The following SMC1A variants were observed in gnomAD, a reference collection of about 807,000 sequenced individuals.
The protein encoded by SMC1A is structural maintenance of chromosomes 1A, also known as structural maintenance of chromosomes protein 1A.
In SMC1A, 4 loss-of-function variants were observed where a neutral mutation model predicts 94.5. The ratio of observed to expected loss-of-function variants is 0.04; its 90% CI spans 0.02 to 0.10. The LOEUF is 0.10. Among genes scored for constraint, SMC1A ranks in the 10% least tolerant of loss-of-function variants. The pLI, the probability that SMC1A is intolerant of heterozygous loss-of-function variation, is 1.00. For synonymous variants in SMC1A, 345 were observed against 347.7 expected (o/e 0.99, Z 0.09); for missense variants, 304 against 989.0 (o/e 0.31, Z 9.29).
rs199844404 is a variant in SMC1A at position 53,382,679 on chromosome X, G to A, written c.3131-19C>T. The stretch of plus-strand genomic sequence containing the variant: ...TCAAACTCTGCCAGAAAGAAAGACA[G>A]GAGACCCCTCAGTGCCCTGGCAAGA... On this transcript the variant is annotated intron_variant, in intron 20 of 24. Coordinates refer to ENST00000322213, the MANE Select transcript of SMC1A (RefSeq NM_006306.4). 61 of 1,208,896 alleles carry A rather than the reference G, an allele frequency of 5.0e-5. No individual in the cohort carries two copies. The East Asian group carries it at 1.7e-3, about 35-fold the overall frequency.
intron 9 of SMC1A, among the ~76,000 whole-genome samples, chrX:53,407,874 G>A (rs1428716543): frequency 9.0e-6 from 1 of 111,390 alleles, no homozygotes; most frequent in African/African-American, 3.3e-5. Context: ...TGCTATCAAG[G>A]AAAAGCCTAT....
intron 15 of SMC1A, among the ~76,000 whole-genome samples, chrX:53,401,939 T>C (rs1316700589): frequency 1.8e-5 from 2 of 109,763 alleles, no homozygotes; most frequent in South Asian, 3.9e-4. Flanking sequence ...TTTCATTGCA[T>C]TGGGTATCAT....
rs1418742559 is a variant in SMC1A at position 53,422,069 on chromosome X, G to A, written c.109+423C>T. ...AAACAGAAGTGCACCGTTTGGGACCGAAGGCCACGGGAGAGCTACCAGCGT... is the reference window on the plus strand; with the variant it reads ...AAACAGAAGTGCACCGTTTGGGACCAAAGGCCACGGGAGAGCTACCAGCGT... On this transcript the variant is annotated intron_variant, in intron 1 of 24. Transcript: ENST00000322213. The A allele has an allele frequency of 1.3e-5, 15 of 1,191,121 alleles. No homozygotes were observed. The East Asian group carries it at 4.5e-4, about 36-fold the overall frequency.
At chrX:53,420,534 A>G (rs1418874872) in intron 1 of SMC1A, among the ~76,000 whole-genome samples, 1 of 110,734 alleles carries the variant, frequency 9.0e-6, no homozygotes, top group Non-Finnish European at 1.9e-5. Context: ...AAAAAAAAAA[A>G]AAGAAAAGAA....
chrX:53,420,521 CA>C (rs781807659), intron 1 of SMC1A, among the ~76,000 whole-genome samples: 109 of 49,704 alleles, frequency 2.2e-3, no homozygotes, highest in East Asian at 2.6e-3. Flanking sequence ...AAGACTGTCT[CA>C]AAAAAAAAAA....
chrX:53,397,613 A>G (rs1372230238), intron 16 of SMC1A, among the ~76,000 whole-genome samples: 1 of 110,847 alleles, frequency 9.0e-6, no homozygotes, highest in Non-Finnish European at 1.9e-5. Flanking sequence ...TAAAGGGGAC[A>G]TATCTGCAAC....
intron 19 of SMC1A, among the ~76,000 whole-genome samples, chrX:53,391,440 G>A (rs1336089403): frequency 9.5e-6 from 1 of 105,397 alleles, no homozygotes; most frequent in African/African-American, 3.5e-5. Flanking sequence ...GCAACACAGT[G>A]AGACCTTGTC....
rs374732964 is a variant in SMC1A, at chrX:53,421,985, G to A, written c.109+507C>T. 147 of 1,208,185 alleles carry A rather than the reference G, an allele frequency of 1.2e-4. No homozygotes were observed. In the African/African-American group the frequency reaches 2.1e-3, roughly 17 times the overall value. On this transcript the variant is annotated intron_variant, in intron 1 of 24. Coordinates refer to ENST00000322213, the MANE Select transcript of SMC1A (RefSeq NM_006306.4). ...CTGAAATTCAAAAGTGCCGCCTCCA[G>A]AGAAGAGTAGAAAGGAGTTGGAGTG...
At chrX:53,390,975 AAAAAAAAAAAAAAAAAAAAAAAGAAAAAG>A (rs1556887169) in intron 19 of SMC1A, among the ~76,000 whole-genome samples, 1 of 2,952 alleles carries the variant, frequency 3.4e-4, no homozygotes, top group East Asian at 2.9e-3. Flanking sequence ...CTCCGTCTCA[AAAAAAAAAAAAAAAAAAAAAAAGAAAAAG>A]AAAAAAAAAA....
At chrX:53,396,784 T>C (rs1279007332) in intron 16 of SMC1A, among the ~76,000 whole-genome samples, 167 bp from the exon 17 acceptor site, 2 of 111,626 alleles carry the variant, frequency 1.8e-5, no homozygotes, top group African/African-American at 6.5e-5. Context: ...TTTTTAAAAT[T>C]TGGTTGTCCT....
Position 53,400,729 on chromosome X carries a change from G to T in SMC1A, c.2421-999C>A, listed in dbSNP as rs148329335. Among the ~76,000 whole-genome samples, 408 of 111,601 alleles carry T rather than the reference G, an allele frequency of 3.7e-3. 2 individuals carry two copies. The highest frequency in any genetic ancestry group is 6.2e-3 in the Non-Finnish European group (331 of 53,078). ...CAAGAGTATGCAACCAGCATACACA[G>T]GCACTGGCAGGCCAGGCAGGACTAA... On this transcript the variant is annotated intron_variant, in intron 15 of 24. Coordinates refer to ENST00000322213, the MANE Select transcript of SMC1A (RefSeq NM_006306.4).
chrX:53,404,828 A>C (rs782625876), intron 13 of SMC1A, 184 bp downstream of exon 13: 3 of 483,779 alleles, frequency 6.2e-6, no homozygotes, highest in Non-Finnish European at 1.1e-5. Flanking sequence ...ATACTTGCCT[A>C]ATGTCAAACT....
chrX:53,380,593 C>A (rs1556885755), intron 24 of SMC1A, 27 bp downstream of exon 24: 1 of 981,474 alleles, frequency 1.0e-6, no homozygotes, highest in South Asian at 2.0e-5. Context: ...GGGAGTAGGA[C>A]TGGCTCCTGA....
intron 19 of SMC1A, among the ~76,000 whole-genome samples, chrX:53,385,256 G>GT (rs59355116): frequency 1.2e-3 from 105 of 88,379 alleles, no homozygotes; most frequent in East Asian, 2.6e-3. Flanking sequence ...TCCAGAATAG[G>GT]TTTTTTTTTT....
chrX:53,402,095 C>T (rs189728445), intron 15 of SMC1A, among the ~76,000 whole-genome samples: 7 of 111,088 alleles, frequency 6.3e-5, no homozygotes, highest in Admixed American at 2.9e-4. Context: ...ATTGATGTTT[C>T]CCCCAGTACT....
intron 12 of SMC1A, 27 bp downstream of exon 12, chrX:53,405,218 C>A (rs1452976397): frequency 1.2e-5 from 15 of 1,210,586 alleles, no homozygotes; most frequent in Non-Finnish European, 1.6e-5. Context: ...ACTCCCACTG[C>A]TAAAAACAGC....
chrX:53,416,451 C>T (rs951360418), intron 1 of SMC1A, among the ~76,000 whole-genome samples: 3 of 106,069 alleles, frequency 2.8e-5, no homozygotes, highest in East Asian at 3.0e-4. Context: ...AGTGCAGTGG[C>T]GTGATCTCAG....
intron 15 of SMC1A, 59 bp from the exon 16 acceptor site, chrX:53,399,789 G>A: frequency 1.8e-6 from 2 of 1,109,869 alleles, no homozygotes; most frequent in Non-Finnish European, 2.5e-6. Flanking sequence ...GATAACCAAT[G>A]TACAAAATCC....
chrX:53,419,156 A>G (rs1451035123), intron 1 of SMC1A, among the ~76,000 whole-genome samples: 8 of 109,782 alleles, frequency 7.3e-5, no homozygotes, highest in Non-Finnish European at 1.5e-4. Context: ...ATGACTTTGA[A>G]CTGAAGATCT....
Sources: allele counts gnomAD v4.1 joint callset (sites outside exome capture counted in the v4.1 genomes callset), GRCh38; gene constraint gnomAD v4.1.1; transcripts MANE v1.5; gene names NCBI Gene and HGNC (gene_info 2026-07-23, HGNC 2026-07-21).